The following MIOS variants were observed in gnomAD, a reference collection of about 807,000 sequenced individuals.
MIOS encodes GATOR2 complex protein MIOS.
In MIOS, 52 loss-of-function variants were observed where a neutral mutation model predicts 96.9. That is an observed-to-expected ratio of 0.54 (90% CI 0.43 to 0.68). The LOEUF (loss-of-function observed/expected upper bound fraction) is 0.68, where lower values mean the gene tolerates loss of function less well. MIOS is among the 30% of genes least tolerant of loss of function. The probability of loss-of-function intolerance (pLI) is 0.00; values close to 1 mark genes in which losing one functional copy is unlikely to be tolerated. For missense variants in MIOS, 1,005 were observed against 1,052.8 expected, an observed-to-expected ratio of 0.95 and a Z score of 0.63; for synonymous variants, 397 against 359.5, an observed-to-expected ratio of 1.10 and a Z score of -1.18.
chr7:7,585,922 A>G, intron 7 of MIOS, 117 bp downstream of exon 7: 1 of 954,710 alleles, frequency 1.0e-6, no homozygotes, highest in Non-Finnish European at 1.5e-6. Flanking sequence ...TGCATATGTT[A>G]TTTAAAATAA....
In MIOS at chr7:7,572,922, C is replaced by G. The variant is rs1044649629; in HGVS notation, c.447C>G (p.Ser149Arg). The change falls in exon 4 of 13, where the codon AGC (serine) becomes AGG (arginine). Residue 149 changes from serine (S) to arginine (R), a missense_variant. Coordinates refer to ENST00000340080, the MANE Select transcript of MIOS (RefSeq NM_019005.4). The surrounding 1 kb of genome is among the most constrained non-coding windows in gnomAD (Gnocchi z 4.8). Reference protein sequence around the residue: ...DFSVLIWDICSKYTPDIVPME... With the variant: ...DFSVLIWDICRKYTPDIVPME... ...CAGTGCTAATATGGGATATCTGCAG[C>G]AAATATACTCCTGATATAGTTCCCA... 2 of 1,614,112 alleles carry G rather than the reference C, an allele frequency of 1.2e-6. No homozygotes were observed. The highest frequency in any genetic ancestry group is 1.7e-6 in the Non-Finnish European group (2 of 1,179,990).
At chr7:7,591,014 T>A (rs1479608211) in intron 9 of MIOS, among the ~76,000 whole-genome samples, 1 of 152,216 alleles carries the variant, frequency 6.6e-6, no homozygotes, top group Non-Finnish European at 1.5e-5. Flanking sequence ...AACAGTCATT[T>A]GTCTTTTATG....
chr7:7,594,881 C>T, intron 9 of MIOS, 99 bp from the exon 10 acceptor site: 1 of 610,062 alleles, frequency 1.6e-6, no homozygotes, highest in Non-Finnish European at 2.4e-6. Context: ...AAAAAAAGGC[C>T]TATTTCTTCT....
intron 12 of MIOS, 47 bp downstream of exon 12, chr7:7,606,118 AAC>A: frequency 6.3e-7 from 1 of 1,598,676 alleles, no homozygotes; most frequent in Non-Finnish European, 8.5e-7. Context: ...TATGGGGGAT[AAC>A]ACAGATTGCT....
intron 11 of MIOS, chr7:7,605,364 G>C (rs986359172): frequency 6.7e-6 from 1 of 150,320 alleles, no homozygotes; most frequent in Non-Finnish European, 1.5e-5. Flanking sequence ...GTGCAATCTC[G>C]GCTCCCTGCA....
chr7:7,590,957 ATTTTAC>A (rs1370075420), intron 9 of MIOS, among the ~76,000 whole-genome samples: 1 of 152,116 alleles, frequency 6.6e-6, no homozygotes, highest in African/African-American at 2.4e-5. Context: ...ATTGTCATAT[ATTTTAC>A]TTTTACAGAT....
chr7:7,590,026 T>C (rs749517020), intron 9 of MIOS, among the ~76,000 whole-genome samples: 1 of 152,216 alleles, frequency 6.6e-6, no homozygotes, highest in Non-Finnish European at 1.5e-5. Context: ...CAATTTTTAC[T>C]GTCCAGTGAT....
At chr7:7,597,479 T>C (rs6973938) in intron 11 of MIOS, among the ~76,000 whole-genome samples, 1 of 24,266 alleles carries the variant, frequency 4.1e-5, no homozygotes, top group Non-Finnish European at 8.6e-5. Context: ...TATATATATA[T>C]ATATATATAT....
chr7:7,586,137 A>T (rs1287352774), intron 7 of MIOS, among the ~76,000 whole-genome samples: 2 of 151,682 alleles, frequency 1.3e-5, no homozygotes, highest in Non-Finnish European at 2.9e-5. Context: ...TTCGCTGTTT[A>T]CACTGTGCAC....
rs796933965 is a variant in MIOS, at chr7:7,586,070, C to T, written c.1818+265C>T. Among the ~76,000 whole-genome samples the T allele has an allele frequency of 7.9e-5, 12 of 151,662 alleles. 1 individual carries two copies. Among genetic ancestry groups the T allele is most frequent in the African/African-American group, 2.7e-4 (11 of 41,302 alleles). On this transcript the variant is annotated intron_variant, in intron 7 of 12. Coordinates refer to ENST00000340080, the MANE Select transcript of MIOS (RefSeq NM_019005.4). ...GATATAGAAGGAATAAAGATTTTAT[C>T]CTTTAGCTTAAGAACTGAGCTGTAG...
In MIOS at chr7:7,583,166, G is replaced by A. The variant is rs1783783774; in HGVS notation, c.1442G>A (p.Ser481Asn). ...AATTGGAGTGGGTTGGATAAGCAAA[G>A]TGATATTCAAAATTTAAATGAAGAG... ...RHNWSGLDKQ[S>N]DIQNLNEERI... is the part of the protein sequence containing the mutation. The change falls in exon 6 of 13, where the codon AGT becomes AAT. Residue 481 changes from serine to asparagine, a missense_variant. Transcript: ENST00000340080. 2.5e-6 allele frequency: 4 copies of A among 1,614,036 alleles called. No homozygotes were observed. The highest frequency in any genetic ancestry group is 3.4e-6 in the Non-Finnish European group (4 of 1,179,994).
At chr7:7,582,980 G>C (rs1783777782) in intron 5 of MIOS, 138 bp from the exon 6 acceptor site, 2 of 978,502 alleles carry the variant, frequency 2.0e-6, no homozygotes. Context: ...TTGTGGCATA[G>C]TTCATATTTA....
Position 7,573,556 on chromosome 7 carries a change from A to G in MIOS, c.1081A>G (p.Ser361Gly). 1 of 1,614,072 alleles carries G rather than the reference A, an allele frequency of 6.2e-7. No homozygotes were observed. ...TVFERISLAW[S>G]PITSLMWACG... ...TTTTGAAAGGATATCTCTTGCCTGG[A>G]GCCCAATTACATCTTTAATGTGGGC... is the stretch of plus-strand genomic sequence containing the variant. The change falls in exon 4 of 13, where the codon AGC (serine) becomes GGC (glycine). Residue 361 changes from serine to glycine, a missense_variant. By Grantham distance (56) the Ser-to-Gly change is moderately conservative. Transcript: ENST00000340080. The surrounding 1 kb of genome is among the most constrained non-coding windows in gnomAD (Gnocchi z 5.0).
In MIOS at chr7:7,574,125, A is replaced by G; in HGVS notation, c.1322A>G (p.Asp441Gly). 6.2e-7 allele frequency: 1 copy of G among 1,610,960 alleles called. No individual in the cohort carries two copies. Among genetic ancestry groups the G allele is most frequent in the South Asian group, 1.1e-5 (1 of 90,808 alleles). Reference sequence around the variant, plus strand: ...ATGAAGCAATACACAGAAGATATGGATCAGAAATCTCCAGGCAACAAAGGA... The same window carrying G: ...ATGAAGCAATACACAGAAGATATGGGTCAGAAATCTCCAGGCAACAAAGGA... ...HFMKQYTEDM[D>G]QKSPGNKGSL... is the part of the protein sequence containing the mutation. Residue 441 changes from aspartate (D) to glycine (G), a missense_variant, in exon 5 of 13, where the codon GAT (aspartate) becomes GGT (glycine). Coordinates refer to ENST00000340080, the MANE Select transcript of MIOS (RefSeq NM_019005.4).
intron 10 of MIOS, among the ~76,000 whole-genome samples, 153 bp from the exon 11 acceptor site, chr7:7,596,104 A>T (rs1393133724): frequency 2.0e-5 from 3 of 152,248 alleles, no homozygotes; most frequent in African/African-American, 7.2e-5. Flanking sequence ...TAAATTTTAA[A>T]TGAAAGCTAG....
intron 5 of MIOS, among the ~76,000 whole-genome samples, chr7:7,581,479 G>T (rs1041167545): frequency 6.6e-6 from 1 of 152,036 alleles, no homozygotes; most frequent in Non-Finnish European, 1.5e-5. Flanking sequence ...CATTTCCATG[G>T]GTCAGGAGTC....
intron 11 of MIOS, among the ~76,000 whole-genome samples, chr7:7,601,854 C>A (rs965393402): frequency 1.3e-5 from 2 of 152,144 alleles, no homozygotes; most frequent in African/African-American, 4.8e-5. Flanking sequence ...TCCAGCAACA[C>A]ATCAAAAAGC....
At chr7:7,587,663 G>C (rs1783931780) in intron 7 of MIOS, among the ~76,000 whole-genome samples, 1 of 152,004 alleles carries the variant, frequency 6.6e-6, no homozygotes, top group African/African-American at 2.4e-5. Flanking sequence ...GAATCTAAGA[G>C]TTAAATCTAG....
At chr7:7,600,241 A>ATT (rs1277940231) in intron 11 of MIOS, among the ~76,000 whole-genome samples, 3 of 152,154 alleles carry the variant, frequency 2.0e-5, no homozygotes, top group African/African-American at 7.2e-5. Context: ...CCATTTCCAA[A>ATT]GTAAAACAGG....
Sources: gnomAD v4.1 joint callset for allele counts (sites outside exome capture counted in the v4.1 genomes callset) on GRCh38, gnomAD v4.1.1 for gene constraint, Gnocchi (gnomAD v3.1) non-coding constraint, MANE v1.5 for transcripts, NCBI Gene and HGNC (gene_info 2026-07-23, HGNC 2026-07-21) for gene names.